The following UBL3 variants were observed in gnomAD, a reference collection of about 807,000 sequenced individuals.
The protein encoded by UBL3 is ubiquitin like 3, also known as ubiquitin-like protein 3.
Under a neutral mutation model 18.4 loss-of-function variants are expected in UBL3, and 6 were observed. The ratio of observed to expected loss-of-function variants is 0.33; its 90% confidence interval spans 0.18 to 0.64. The LOEUF is 0.64. Ranked by LOEUF, UBL3 falls within the 30% of genes least tolerant of loss-of-function variation. The probability of loss-of-function intolerance (pLI) is 0.76; values close to 1 mark genes in which losing one functional copy is unlikely to be tolerated. For missense variants in UBL3, 109 were observed against 142.9 expected, an observed-to-expected ratio of 0.76 and a Z score of 1.21; for synonymous variants, 49 against 46.6, an observed-to-expected ratio of 1.05 and a Z score of -0.21.
intron 1 of UBL3, among the ~76,000 whole-genome samples, chr13:29,797,369 T>C (rs1008293855): frequency 2.0e-5 from 3 of 152,210 alleles, no homozygotes; most frequent in Non-Finnish European, 2.9e-5. Flanking sequence ...CTTAGAATTA[T>C]AGGAATTTAA....
At chr13:29,811,364 C>A (rs1878076615) in intron 1 of UBL3, among the ~76,000 whole-genome samples, 1 of 152,008 alleles carries the variant, frequency 6.6e-6, no homozygotes, top group African/African-American at 2.4e-5. Flanking sequence ...TTCATTCCTT[C>A]CTAAGAGTAT....
intron 1 of UBL3, among the ~76,000 whole-genome samples, chr13:29,846,493 C>A (rs957274108): frequency 1.8e-4 from 27 of 152,014 alleles, no homozygotes; most frequent in Non-Finnish European, 2.5e-4. Context: ...ATGCTAAACA[C>A]AAAAATTTAC....
intron 1 of UBL3, among the ~76,000 whole-genome samples, chr13:29,812,006 A>G (rs1311936131): frequency 2.0e-5 from 3 of 151,916 alleles, no homozygotes; most frequent in African/African-American, 4.8e-5. Context: ...TTCTTCTCCA[A>G]TATAGGTTGA....
At chr13:29,777,030 G>A in intron 2 of UBL3, 125 bp downstream of exon 2, 1 of 651,470 alleles carries the variant, frequency 1.5e-6, no homozygotes, top group Non-Finnish European at 2.4e-6. Flanking sequence ...CTCTAAATCT[G>A]AGCCTTATAC....
At position 29,835,136 on chromosome 13, in the gene UBL3, ATATATATATATATATATATATATATAT is replaced by A. The variant is rs1878914386; in HGVS notation, c.27+14349_27+14375del. 4.6e-4 allele frequency among the ~76,000 whole-genome samples: 4 copies of A among 8,730 alleles called. 1 individual carries two copies. Among genetic ancestry groups the A allele is most frequent in the East Asian group, 7.5e-3 (2 of 266 alleles). 5.7% of individuals were successfully genotyped at this position (8,730 alleles called of 152,430 possible). A position where few individuals can be genotyped will look rare whatever the true frequency, so the allele number is the denominator to read the frequency against. On this transcript the variant is annotated intron_variant, in intron 1 of 4. Transcript: ENST00000380680. Reference sequence around the variant, plus strand: ...TATATATATATATAAATATATATATATATATATATATATATATATATATATATATATATATATATATATATATATCTC... The same window carrying A: ...TATATATATATATAAATATATATATAATATATATATATATATATATATCTC...
intron 1 of UBL3, among the ~76,000 whole-genome samples, chr13:29,802,676 G>A (rs1877802842): frequency 6.6e-6 from 1 of 152,138 alleles, no homozygotes; most frequent in Admixed American, 6.5e-5. Context: ...AAGTATTAAT[G>A]GCAGAATAAG....
intron 2 of UBL3, among the ~76,000 whole-genome samples, chr13:29,775,430 C>A (rs1876955638): frequency 1.3e-5 from 2 of 152,126 alleles, no homozygotes; most frequent in East Asian, 3.8e-4. Flanking sequence ...CTAATTGACT[C>A]ATTTTGTACA....
intron 1 of UBL3, among the ~76,000 whole-genome samples, chr13:29,823,573 A>C (rs183306664): frequency 1.3e-5 from 2 of 152,380 alleles, no homozygotes; most frequent in East Asian, 3.9e-4. Flanking sequence ...AATCACAGAA[A>C]GAATAAATGT....
chr13:29,810,108 T>C (rs1311623539), intron 1 of UBL3, among the ~76,000 whole-genome samples: 8 of 152,092 alleles, frequency 5.3e-5, no homozygotes, highest in African/African-American at 9.7e-5. Flanking sequence ...GTATGTGATA[T>C]GAATAATGGA....
chr13:29,778,810 A>C (rs1157718432), intron 1 of UBL3, among the ~76,000 whole-genome samples: 1 of 152,350 alleles, frequency 6.6e-6, no homozygotes, highest in East Asian at 1.9e-4. Context: ...AAATGCATGT[A>C]CACATTTCTG....
At chr13:29,825,091 G>A (rs1203354841) in intron 1 of UBL3, among the ~76,000 whole-genome samples, 6 of 152,188 alleles carry the variant, frequency 3.9e-5, no homozygotes, top group African/African-American at 1.4e-4. Flanking sequence ...CCACTACTAT[G>A]CTGTTTTGGT....
intron 1 of UBL3, among the ~76,000 whole-genome samples, chr13:29,846,908 T>G (rs1879241040): frequency 6.6e-6 from 1 of 152,256 alleles, no homozygotes; most frequent in Non-Finnish European, 1.5e-5. Flanking sequence ...GTACATATCC[T>G]GATCAATTTA....
chr13:29,793,415 C>G (rs994297573), intron 1 of UBL3, among the ~76,000 whole-genome samples: 9 of 152,058 alleles, frequency 5.9e-5, no homozygotes, highest in Non-Finnish European at 5.9e-5. Context: ...TAGAAACAGG[C>G]TCAGAGTTTT....
At chr13:29,771,772 T>A (rs568043456) in intron 3 of UBL3, among the ~76,000 whole-genome samples, 11 of 152,044 alleles carry the variant, frequency 7.2e-5, no homozygotes, top group Admixed American at 7.2e-4. Flanking sequence ...TATCATAAAT[T>A]TTTCCTAGTT....
chr13:29,781,295 C>T (rs1877168403), intron 1 of UBL3, among the ~76,000 whole-genome samples: 1 of 152,108 alleles, frequency 6.6e-6, no homozygotes, highest in African/African-American at 2.4e-5. Flanking sequence ...TATGTACAAA[C>T]TAAAGTCTTG....
intron 1 of UBL3, among the ~76,000 whole-genome samples, chr13:29,842,373 G>C (rs750930402): frequency 6.6e-6 from 1 of 151,974 alleles, no homozygotes; most frequent in Non-Finnish European, 1.5e-5. Flanking sequence ...TGGTCAGGGT[G>C]GTCTCGAACT....
chr13:29,767,097 A>C lies in UBL3; in HGVS notation c.*158T>G, dbSNP rs1376046839. 2 of 600,578 alleles carry C rather than the reference A, an allele frequency of 3.3e-6. No homozygotes were observed. Among genetic ancestry groups the C allele is most frequent in the African/African-American group, 3.8e-5 (2 of 52,344 alleles). 37.2% of individuals were successfully genotyped at this position (600,578 alleles called of 1,614,324 possible). ...GTGAAAAATGTTCTTGGTTCTTTTT[A>C]CTTTCATGAGAAAAGATGACAGTGT... is the stretch of plus-strand genomic sequence containing the variant. On this transcript the variant is annotated 3_prime_UTR_variant, in exon 5 of 5. Coordinates refer to ENST00000380680, the MANE Select transcript of UBL3 (RefSeq NM_007106.4).
chr13:29,791,695 A>G (rs1167522473), intron 1 of UBL3, among the ~76,000 whole-genome samples: 1 of 152,262 alleles, frequency 6.6e-6, no homozygotes, highest in East Asian at 1.9e-4. Flanking sequence ...GGCATATCCA[A>G]TCACTGTCAC....
At chr13:29,848,388 CA>C (rs1273312146) in intron 1 of UBL3, among the ~76,000 whole-genome samples, 1 of 151,316 alleles carries the variant, frequency 6.6e-6, no homozygotes, top group Non-Finnish European at 1.5e-5. Context: ...ACCCAGGAGG[CA>C]GAGGTTGCAG....
Sources: allele counts gnomAD v4.1 joint callset (sites outside exome capture counted in the v4.1 genomes callset), GRCh38; gene constraint gnomAD v4.1.1; transcripts MANE v1.5; gene names NCBI Gene and HGNC (gene_info 2026-07-23, HGNC 2026-07-21).